Variants in SFXN5 observed in about 807,000 individuals in gnomAD.
SFXN5 encodes the protein sideroflexin-5.
A neutral mutation model predicts 50.2 loss-of-function variants in SFXN5; 43 were observed. The ratio of observed to expected loss-of-function variants is 0.86; its 90% CI spans 0.67 to 1.11. The LOEUF is 1.11. SFXN5 is among the 50% of genes least tolerant of loss of function. The probability of loss-of-function intolerance (pLI) is 0.00; values close to 1 mark genes in which losing one functional copy is unlikely to be tolerated. For missense variants in SFXN5, 463 were observed against 454.1 expected (o/e 1.02, Z -0.18); for synonymous variants, 203 against 185.8 (o/e 1.09, Z -0.75).
chr2:73,027,745 C>G (rs2105865322), intron 3 of SFXN5, among the ~76,000 whole-genome samples: 1 of 152,232 alleles, frequency 6.6e-6, no homozygotes, highest in South Asian at 2.1e-4. Flanking sequence ...CTACAGCCTC[C>G]ACCTCTCCGG....
chr2:73,049,865 T>C (rs926950120), intron 2 of SFXN5: 1 of 152,016 alleles, frequency 6.6e-6, no homozygotes, highest in African/African-American at 2.4e-5. Flanking sequence ...AAAGGTGTGA[T>C]TCATCCTGAG....
chr2:73,028,226 T>G (rs896920476), intron 3 of SFXN5, among the ~76,000 whole-genome samples: 1 of 152,236 alleles, frequency 6.6e-6, no homozygotes, highest in Non-Finnish European at 1.5e-5. Flanking sequence ...TGATGTTAAG[T>G]GAGGCATGAC....
chr2:72,994,364 G>A (rs1171867581), intron 9 of SFXN5, among the ~76,000 whole-genome samples: 2 of 152,160 alleles, frequency 1.3e-5, no homozygotes, highest in Admixed American at 1.3e-4. Context: ...GTTCAGCACA[G>A]GGATCCCCTG....
rs374469253 is a variant in SFXN5, at chr2:72,961,283, C to T, written c.828-35G>A. On this transcript the variant is annotated intron_variant, in intron 12 of 13. Coordinates refer to ENST00000272433, the MANE Select transcript of SFXN5 (RefSeq NM_144579.3). The surrounding 1 kb of genome is among the most constrained non-coding windows in gnomAD (Gnocchi z 4.4). ...AGAGAGGAGGGAGCCCCATGAGACC[C>T]GAAGGTGGGGTGGGCTGGCTGCCAG... is the stretch of plus-strand genomic sequence containing the variant. 4.9e-6 allele frequency: 7 copies of T among 1,439,874 alleles called. No homozygotes were observed. Among genetic ancestry groups the T allele is most frequent in the Middle Eastern group, 2.4e-4 (1 of 4,140 alleles). The allele number at this position is 1,439,874 out of a possible 1,614,324, so 89.2% of individuals were successfully genotyped here.
intron 10 of SFXN5, among the ~76,000 whole-genome samples, chr2:72,974,742 A>G (rs1388783975): frequency 6.6e-6 from 1 of 151,902 alleles, no homozygotes; most frequent in Non-Finnish European, 1.5e-5. Context: ...CAAACTTTCA[A>G]TTCTGCCATA....
At chr2:72,963,543 G>T (rs573405392) in intron 12 of SFXN5, among the ~76,000 whole-genome samples, 1 of 152,084 alleles carries the variant, frequency 6.6e-6, no homozygotes, top group Non-Finnish European at 1.5e-5. Flanking sequence ...GGGAAGGGAG[G>T]GGGGAGGAAA....
intron 2 of SFXN5, among the ~76,000 whole-genome samples, chr2:73,054,841 ATAAG>A (rs1000401866): frequency 1.3e-5 from 2 of 152,254 alleles, no homozygotes; most frequent in Non-Finnish European, 2.9e-5. Context: ...GGTGGGCTAG[ATAAG>A]TAGTTTCTCT....
intron 10 of SFXN5, chr2:72,981,378 C>T (rs992121538): frequency 1.3e-5 from 2 of 152,054 alleles, no homozygotes; most frequent in African/African-American, 4.8e-5. Context: ...GAACTTCAGC[C>T]AAGTCAGGTC....
intron 13 of SFXN5, among the ~76,000 whole-genome samples, chr2:72,957,745 C>G (rs1204313033): frequency 6.6e-6 from 1 of 152,332 alleles, no homozygotes; most frequent in African/African-American, 2.4e-5. Context: ...AAGGCCCTCT[C>G]GGCAAGTTGG....
At chr2:72,968,630 G>A in intron 11 of SFXN5, 97 bp from the exon 12 acceptor site, 4 of 1,138,856 alleles carry the variant, frequency 3.5e-6, no homozygotes, top group Non-Finnish European at 5.1e-6. Context: ...CACAACGCAT[G>A]TGTGTCTGAA....
intron 10 of SFXN5, among the ~76,000 whole-genome samples, chr2:72,982,124 G>A (rs995135208): frequency 6.6e-6 from 1 of 152,164 alleles, no homozygotes; most frequent in Non-Finnish European, 1.5e-5. Flanking sequence ...ACATTTAGTA[G>A]GTGCTCATGC....
At chr2:72,971,220 C>G (rs766107316) in intron 11 of SFXN5, among the ~76,000 whole-genome samples, 5 of 152,058 alleles carry the variant, frequency 3.3e-5, no homozygotes, top group Non-Finnish European at 5.9e-5. Flanking sequence ...TGTGAAGGCC[C>G]GGGAGGTAGG....
At chr2:73,047,545 T>C (rs201804803) in intron 2 of SFXN5, among the ~76,000 whole-genome samples, 2 of 151,584 alleles carry the variant, frequency 1.3e-5, no homozygotes, top group East Asian at 3.9e-4. Flanking sequence ...AATTGAATCA[T>C]GGGGCAATTT....
At chr2:73,009,755 C>T (rs1254660965) in intron 6 of SFXN5, among the ~76,000 whole-genome samples, 1 of 152,204 alleles carries the variant, frequency 6.6e-6, no homozygotes, top group African/African-American at 2.4e-5. Context: ...CAGCAATGAA[C>T]CCCTGAATGG....
intron 13 of SFXN5, among the ~76,000 whole-genome samples, chr2:72,946,428 C>T (rs548713867): frequency 1.3e-5 from 2 of 152,332 alleles, no homozygotes; most frequent in East Asian, 1.9e-4. Context: ...CCCCACTTCA[C>T]GACACCCACT....
chr2:72,956,370 T>A (rs1016446730), intron 13 of SFXN5, among the ~76,000 whole-genome samples: 7 of 152,142 alleles, frequency 4.6e-5, no homozygotes, highest in Non-Finnish European at 1.0e-4. Context: ...GGAAAAGACA[T>A]AAACACTGAT....
At chr2:72,956,458 T>G (rs1673097246) in intron 13 of SFXN5, among the ~76,000 whole-genome samples, 1 of 152,144 alleles carries the variant, frequency 6.6e-6, no homozygotes, top group Admixed American at 6.5e-5. Flanking sequence ...ATGTTCCTGC[T>G]GATAAATTAG....
rs1019885840 is a variant in SFXN5, at chr2:72,988,247, G to T, written c.625+11C>A. The T allele has an allele frequency of 5.0e-6, 8 of 1,612,764 alleles. No individual in the cohort carries two copies. The highest frequency in any genetic ancestry group is 6.8e-6 in the Non-Finnish European group (8 of 1,179,442). Reference sequence around the variant, plus strand: ...CCCACAGCACACATCTATGTGGTGTGCAGGTCTTACCTACAGCAGGGAACG... The same window carrying T: ...CCCACAGCACACATCTATGTGGTGTTCAGGTCTTACCTACAGCAGGGAACG... On this transcript the variant is annotated intron_variant, in intron 10 of 13. Transcript: ENST00000272433.
chr2:73,047,904 G>A (rs1176134443), intron 2 of SFXN5, among the ~76,000 whole-genome samples: 1 of 152,130 alleles, frequency 6.6e-6, no homozygotes, highest in East Asian at 1.9e-4. Context: ...TTCTGTAAGA[G>A]GATATTTATT....
Sources: gnomAD v4.1 joint callset for allele counts (sites outside exome capture counted in the v4.1 genomes callset) on GRCh38, gnomAD v4.1.1 for gene constraint, Gnocchi (gnomAD v3.1) non-coding constraint, MANE v1.5 for transcripts, NCBI Gene and HGNC (gene_info 2026-07-23, HGNC 2026-07-21) for gene names.